The following CCDC171 variants were observed in gnomAD, a reference collection of about 807,000 sequenced individuals.
CCDC171 encodes the protein coiled-coil domain-containing protein 171.
Under a neutral mutation model 168.2 loss-of-function variants are expected in CCDC171, and 177 were observed. The observed-to-expected ratio is 1.05, with a 90% CI of 0.93 to 1.19. The LOEUF is 1.19. Ranked by LOEUF, CCDC171 falls within the 50% of genes most tolerant of loss-of-function variation. The probability of loss-of-function intolerance (pLI) is 0.00; values close to 1 mark genes in which losing one functional copy is unlikely to be tolerated. For synonymous variants in CCDC171, 687 were observed against 540.8 expected (o/e 1.27, Z -3.75); for missense variants, 1,991 against 1,539.0 (o/e 1.29, Z -4.91).
intron 21 of CCDC171, among the ~76,000 whole-genome samples, chr9:15,824,661 A>G (rs1333323384): frequency 6.6e-6 from 1 of 152,156 alleles, no homozygotes; most frequent in Non-Finnish European, 1.5e-5. Context: ...ACGTATATAC[A>G]GGAAGCTGGC....
the CCDC171 span, among the ~76,000 whole-genome samples, chr9:16,107,610 C>A: frequency 6.6e-6 from 1 of 152,104 alleles, no homozygotes. Flanking sequence ...CACATATATA[C>A]ATACACATAT....
intron 9 of CCDC171, among the ~76,000 whole-genome samples, chr9:15,671,443 C>T (rs1336991059): frequency 6.6e-6 from 1 of 152,042 alleles, no homozygotes; most frequent in Admixed American, 6.6e-5. Flanking sequence ...TGGTTTGCTG[C>T]ATCCATCAAC....
intron 23 of CCDC171, among the ~76,000 whole-genome samples, chr9:15,873,815 G>A (rs1187859555): frequency 6.6e-6 from 1 of 151,992 alleles, no homozygotes; most frequent in Non-Finnish European, 1.5e-5. Flanking sequence ...CTAGAGAATT[G>A]GTGTTTTTCC....
At chr9:15,908,257 A>C (rs1377412215) in intron 24 of CCDC171, among the ~76,000 whole-genome samples, 2 of 152,362 alleles carry the variant, frequency 1.3e-5, no homozygotes, top group African/African-American at 2.4e-5. Context: ...AACTAACCCA[A>C]ATGTCCAACC....
At chr9:16,040,014 C>A (rs1395476273), upstream of CCDC171, among the ~76,000 whole-genome samples, 4 of 152,152 alleles carry the variant, frequency 2.6e-5, no homozygotes, top group Non-Finnish European at 5.9e-5. Flanking sequence ...GACACTGGAA[C>A]CTTTCAGAAT....
At chr9:15,854,857 G>A (rs991520690) in intron 23 of CCDC171, among the ~76,000 whole-genome samples, 3 of 151,552 alleles carry the variant, frequency 2.0e-5, no homozygotes, top group African/African-American at 7.3e-5. Context: ...TTATTTAAGA[G>A]TGAGCTGATA....
chr9:16,066,267 T>C (rs1038519567), downstream of CCDC171, among the ~76,000 whole-genome samples: 6 of 152,076 alleles, frequency 3.9e-5, no homozygotes, highest in Non-Finnish European at 8.8e-5. Flanking sequence ...CTGCGTTGGG[T>C]TAAAAAGCAT....
rs2136081975 is a variant in CCDC171, at chr9:15,820,016, AG to A, written c.3268-26685del. On this transcript the variant is annotated intron_variant, in intron 21 of 25. Coordinates refer to ENST00000380701, the MANE Select transcript of CCDC171 (RefSeq NM_173550.4). The stretch of plus-strand genomic sequence containing the variant: ...TCTCAGACCACAGTGCAATCAAACT[AG>A]AACACAGGATTAAGAAACTCACTCA... Among the ~76,000 whole-genome samples the A allele has an allele frequency of 1.7e-5, 2 of 118,288 alleles. 1 individual carries two copies. Among genetic ancestry groups the A allele is most frequent in the African/African-American group, 6.4e-5 (2 of 31,456 alleles). 77.6% of individuals were successfully genotyped at this position (118,288 alleles called of 152,430 possible).
At chr9:16,094,578 T>C in the CCDC171 span, among the ~76,000 whole-genome samples, 1 of 152,078 alleles carries the variant, frequency 6.6e-6, no homozygotes, top group Non-Finnish European at 1.5e-5. Context: ...TAGGGCTTTG[T>C]AGGAAAAGAA....
rs149374115 is a variant in CCDC171, at chr9:15,762,442, C to G, written c.2672-15158C>G. ...CATTGAAAAAGTCAACTATGGTAGCCTACACACTTGTGTTCACATTTTGGT... is the reference window on the plus strand; with the variant it reads ...CATTGAAAAAGTCAACTATGGTAGCGTACACACTTGTGTTCACATTTTGGT... On this transcript the variant is annotated intron_variant, in intron 18 of 25. Coordinates refer to ENST00000380701, the MANE Select transcript of CCDC171 (RefSeq NM_173550.4). Among the ~76,000 whole-genome samples the G allele has an allele frequency of 2.0e-4, 31 of 152,230 alleles. No homozygotes were observed. In the South Asian group the frequency reaches 5.0e-3, roughly 24 times the overall value.
intron 1 of CCDC171, among the ~76,000 whole-genome samples, chr9:16,056,954 C>T (rs1429153295): frequency 6.6e-6 from 1 of 152,144 alleles, no homozygotes; most frequent in Non-Finnish European, 1.5e-5. Flanking sequence ...AGAATGTAGA[C>T]ACAGCAGAAG....
At chr9:15,562,113 A>G (rs904718205) in intron 1 of CCDC171, among the ~76,000 whole-genome samples, 1 of 151,682 alleles carries the variant, frequency 6.6e-6, no homozygotes. Flanking sequence ...TCCTATCTCA[A>G]CCTCCTGAGT....
rs1257595466 is a variant in CCDC171, at chr9:15,571,755, C to T, written c.173C>T (p.Ala58Val). 6.4e-7 allele frequency: 1 copy of T among 1,571,556 alleles called. No individual in the cohort carries two copies. Among genetic ancestry groups the T allele is most frequent in the South Asian group, 1.2e-5 (1 of 81,852 alleles). Residue 58 changes from alanine (A) to valine (V), a missense_variant, in exon 3 of 26, where the codon GCA becomes GTA. Physicochemically the swap from Ala to Val is moderately conservative, Grantham distance 64. Transcript: ENST00000380701. The stretch of plus-strand genomic sequence containing the variant: ...TTAGAAATAACAACCAAACACAATG[C>T]AGAGGTACGATTTATTTTCCTCTCA... Reference protein sequence around the residue: ...EKLEITTKHNAELASYESQIA... With the variant: ...EKLEITTKHNVELASYESQIA...
chr9:15,630,532 C>T (rs1285114548), intron 7 of CCDC171, among the ~76,000 whole-genome samples: 1 of 152,028 alleles, frequency 6.6e-6, no homozygotes, highest in Admixed American at 6.6e-5. Flanking sequence ...AAAGCAAGTC[C>T]TGAGTGACCT....
intron 25 of CCDC171, among the ~76,000 whole-genome samples, chr9:15,940,197 T>C (rs577627557): frequency 6.6e-6 from 1 of 152,060 alleles, no homozygotes; most frequent in Admixed American, 6.6e-5. Flanking sequence ...AAATACATGT[T>C]TTACAGTCTA....
At chr9:15,653,314 AT>A (rs896134795) in intron 7 of CCDC171, among the ~76,000 whole-genome samples, 1 of 150,944 alleles carries the variant, frequency 6.6e-6, no homozygotes, top group East Asian at 1.9e-4. Context: ...TAATTTTTGA[AT>A]TTTTTTTGTA....
intron 22 of CCDC171, 79 bp downstream of exon 22, chr9:15,846,926 C>A: frequency 1.6e-6 from 2 of 1,269,212 alleles, no homozygotes; most frequent in Non-Finnish European, 1.1e-6. Flanking sequence ...GGTTTTAGCC[C>A]TGGATAATAC....
chr9:15,888,345 AT>A lies in CCDC171; in HGVS notation c.3600+13683del, dbSNP rs552344990. ...AAACATGTGCCTTCAAAAAAATAAA[AT>A]GTTCAACAACTTTAGTGTTTCATTC... On this transcript the variant is annotated intron_variant, in intron 24 of 25. Transcript: ENST00000380701. Among the ~76,000 whole-genome samples, 210 of 152,306 alleles carry A rather than the reference AT, an allele frequency of 1.4e-3. 1 individual carries two copies. The highest frequency in any genetic ancestry group is 5.0e-3 in the African/African-American group (206 of 41,566).
chr9:15,781,275 T>C, intron 20 of CCDC171, among the ~76,000 whole-genome samples: 1 of 152,136 alleles, frequency 6.6e-6, no homozygotes, highest in African/African-American at 2.4e-5. Flanking sequence ...AGATTAGAGT[T>C]TGAGGGAAGG....
Sources: allele counts gnomAD v4.1 joint callset (sites outside exome capture counted in the v4.1 genomes callset), GRCh38; gene constraint gnomAD v4.1.1; transcripts MANE v1.5; gene names NCBI Gene and HGNC (gene_info 2026-07-23, HGNC 2026-07-21).